The following LOC128462377 variants were observed in gnomAD, a reference collection of about 807,000 sequenced individuals.
At chr16:89,365,312 C>T in the LOC128462377 span, among the ~76,000 whole-genome samples, 19 of 152,314 alleles carry the variant, frequency 1.2e-4, no homozygotes, top group Non-Finnish European at 2.6e-4. Context: ...CACCTCCTGA[C>T]GTTTCCATCA....
chr16:89,326,253 AAC>A, the LOC128462377 span, among the ~76,000 whole-genome samples: 1 of 152,212 alleles, frequency 6.6e-6, no homozygotes, highest in Non-Finnish European at 1.5e-5. Flanking sequence ...GGTGGAAATA[AAC>A]ACACGGAAGT....
the LOC128462377 span, among the ~76,000 whole-genome samples, chr16:89,345,337 G>A: frequency 2.9e-5 from 4 of 139,650 alleles, no homozygotes; most frequent in African/African-American, 8.0e-5. Flanking sequence ...GCTCAGTGCC[G>A]ACACCCCCCG....
the LOC128462377 span, chr16:89,372,715 C>T: frequency 6.6e-6 from 1 of 152,126 alleles, no homozygotes; most frequent in African/African-American, 2.4e-5. Context: ...TGCTAGTAAA[C>T]GCTGAGCCCG....
the LOC128462377 span, among the ~76,000 whole-genome samples, chr16:89,364,835 G>C: frequency 6.6e-6 from 1 of 152,134 alleles, no homozygotes; most frequent in Non-Finnish European, 1.5e-5. Context: ...TCAGCACCAC[G>C]GCCAACCTGA....
the LOC128462377 span, among the ~76,000 whole-genome samples, chr16:89,399,088 G>C: frequency 6.6e-6 from 1 of 152,206 alleles, no homozygotes; most frequent in Non-Finnish European, 1.5e-5. Flanking sequence ...CATCATCCCT[G>C]AACACTGACC....
the LOC128462377 span, among the ~76,000 whole-genome samples, chr16:89,394,246 T>C: frequency 1.3e-5 from 2 of 152,198 alleles, no homozygotes; most frequent in Admixed American, 6.5e-5. Context: ...AGTTCCACAG[T>C]GGTCTCCCAT....
At chr16:89,356,357 GATCC>G in the LOC128462377 span, among the ~76,000 whole-genome samples, 3 of 151,812 alleles carry the variant, frequency 2.0e-5, no homozygotes, top group African/African-American at 7.3e-5. Context: ...AGAAGGATGT[GATCC>G]ATCAGCCAAC....
chr16:89,406,401 C>A, the LOC128462377 span, among the ~76,000 whole-genome samples: 1 of 152,208 alleles, frequency 6.6e-6, no homozygotes, highest in East Asian at 1.9e-4. Flanking sequence ...CCAGCCGGCG[C>A]GCTCTGAGAC....
the LOC128462377 span, among the ~76,000 whole-genome samples, chr16:89,339,039 G>T: frequency 6.6e-6 from 1 of 152,098 alleles, no homozygotes; most frequent in South Asian, 2.1e-4. Flanking sequence ...CCATCTGCTC[G>T]TGACCTGAGT....
the LOC128462377 span, among the ~76,000 whole-genome samples, chr16:89,350,068 T>G: frequency 6.6e-6 from 1 of 151,752 alleles, no homozygotes; most frequent in South Asian, 2.1e-4. Flanking sequence ...GATAGTCCCT[T>G]CCCCCCACCA....
At chr16:89,390,461 G>A in the LOC128462377 span, among the ~76,000 whole-genome samples, 1 of 152,200 alleles carries the variant, frequency 6.6e-6, no homozygotes, top group Non-Finnish European at 1.5e-5. Context: ...TCCCAAAGGA[G>A]GTGGAGGGCA....
chr16:89,366,376 C>T, the LOC128462377 span, among the ~76,000 whole-genome samples: 1 of 152,126 alleles, frequency 6.6e-6, no homozygotes, highest in Non-Finnish European at 1.5e-5. Context: ...AATGGTAGTT[C>T]TGGTTTTAGC....
chr16:89,388,318 G>A, the LOC128462377 span, among the ~76,000 whole-genome samples: 1 of 33,794 alleles, frequency 3.0e-5, no homozygotes, highest in Non-Finnish European at 7.8e-5. Flanking sequence ...TTTTTTTTGA[G>A]ACGGAGTCTT....
chr16:89,364,169 TG>T, the LOC128462377 span, among the ~76,000 whole-genome samples: 1 of 152,198 alleles, frequency 6.6e-6, no homozygotes, highest in Non-Finnish European at 1.5e-5. Flanking sequence ...ACCCCAGACT[TG>T]CTGGGCCCAC....
chr16:89,352,847 T>A, the LOC128462377 span, among the ~76,000 whole-genome samples: 1 of 152,222 alleles, frequency 6.6e-6, no homozygotes, highest in African/African-American at 2.4e-5. Flanking sequence ...CTACCTGCTT[T>A]GTCAGCATCT....
chr16:89,380,215 C>A, the LOC128462377 span, among the ~76,000 whole-genome samples: 1 of 152,146 alleles, frequency 6.6e-6, no homozygotes, highest in Non-Finnish European at 1.5e-5. Flanking sequence ...CAGGTTCAAG[C>A]AATTCTCCTG....
the LOC128462377 span, among the ~76,000 whole-genome samples, chr16:89,347,590 G>A: frequency 7.1e-6 from 1 of 140,456 alleles, no homozygotes; most frequent in Non-Finnish European, 1.5e-5. Context: ...CAGCCTGGGC[G>A]ACAGAGCGAG....
the LOC128462377 span, among the ~76,000 whole-genome samples, chr16:89,352,705 T>C: frequency 3.9e-5 from 6 of 152,216 alleles, no homozygotes; most frequent in Non-Finnish European, 8.8e-5. Flanking sequence ...CACCAGTTTA[T>C]TGAAGCCTCA....
the LOC128462377 span, among the ~76,000 whole-genome samples, chr16:89,391,424 C>T: frequency 4.6e-5 from 7 of 152,204 alleles, no homozygotes; most frequent in Middle Eastern, 3.4e-3. Context: ...CCAGGCTGCA[C>T]GGGATTGTGG....
Sources: gnomAD v4.1 joint callset for allele counts (sites outside exome capture counted in the v4.1 genomes callset) on GRCh38, gnomAD v4.1.1 for gene constraint, MANE v1.5 for transcripts.